ISM1: variants seen among roughly 807,000 people sequenced by gnomAD.
ISM1 encodes the protein isthmin 1.
A neutral mutation model predicts 46.3 loss-of-function variants in ISM1; 25 were observed. The observed-to-expected ratio is 0.54, with a 90% CI of 0.39 to 0.75. The LOEUF is 0.75. Ranked by LOEUF, ISM1 falls within the 30% of genes least tolerant of loss-of-function variation. ISM1 has a pLI of 0.00. For missense variants in ISM1, 536 were observed against 625.4 expected (o/e 0.86, Z 1.52); for synonymous variants, 255 against 256.7 (o/e 0.99, Z 0.06).
At chr20:13,252,493 G>A (rs1239492936) in intron 1 of ISM1, among the ~76,000 whole-genome samples, 1 of 152,178 alleles carries the variant, frequency 6.6e-6, no homozygotes, top group Non-Finnish European at 1.5e-5. Context: ...GCTCACACCT[G>A]TAATCCCAGC....
At chr20:13,256,613 G>T (rs1432622372) in intron 1 of ISM1, among the ~76,000 whole-genome samples, 2 of 152,118 alleles carry the variant, frequency 1.3e-5, no homozygotes, top group Non-Finnish European at 2.9e-5. Context: ...CCATCCTCAA[G>T]GTGGACCTTT....
Position 13,299,275 on chromosome 20 carries a change from AC to A in ISM1, c.1213del (p.Leu405SerfsTer91). On this transcript the variant is annotated frameshift_variant, in exon 6 of 6. Coordinates refer to ENST00000262487, the MANE Select transcript of ISM1 (RefSeq NM_080826.2). LOFTEE classifies it high-confidence loss of function. This position sits in a 1 kb window ranked among gnomAD's most constrained non-coding sequence, Gnocchi z 5.8. The part of the protein sequence containing the change: ...ITRGKGAGTP[N>X]LISTEFSAEL... ...AGGGGCAAGGGGGCGGGCACGCCCA[AC>A]CTCATCAGCACCGAGTTCTCCGCGG... 5.6e-6 allele frequency: 9 copies of A among 1,611,414 alleles called. No homozygotes were observed. The highest frequency in any genetic ancestry group is 7.6e-6 in the Non-Finnish European group (9 of 1,178,684).
intron 4 of ISM1, among the ~76,000 whole-genome samples, chr20:13,290,955 A>G (rs2040347202): frequency 6.6e-6 from 1 of 152,194 alleles, no homozygotes; most frequent in African/African-American, 2.4e-5. Context: ...TCATATTCTT[A>G]ATCATTAAAC....
chr20:13,308,009 T>G, the ISM1 span, among the ~76,000 whole-genome samples: 1 of 152,248 alleles, frequency 6.6e-6, no homozygotes, highest in African/African-American at 2.4e-5. Context: ...CCAAAGTGGT[T>G]GTCCTGGTGG....
At chr20:13,247,962 C>G (rs2039820600) in intron 1 of ISM1, among the ~76,000 whole-genome samples, 1 of 152,158 alleles carries the variant, frequency 6.6e-6, no homozygotes, top group South Asian at 2.1e-4. Flanking sequence ...GGGTCTGATA[C>G]AGAGGAAAGT....
At chr20:13,268,341 CTTCTTCCTCTCTCTCTCTCT>C (rs2040070749) in intron 1 of ISM1, among the ~76,000 whole-genome samples, 1 of 136,186 alleles carries the variant, frequency 7.3e-6, no homozygotes, top group African/African-American at 2.8e-5. Context: ...CCTTCTCCTT[CTTCTTCCTCTCTCTCTCTCT>C]CTCTCTCTCT....
the ISM1 span, among the ~76,000 whole-genome samples, chr20:13,305,990 G>A: frequency 6.6e-6 from 1 of 152,152 alleles, no homozygotes; most frequent in East Asian, 1.9e-4. Flanking sequence ...TAGCAAAGCT[G>A]GGTAAGAATT....
At chr20:13,321,052 A>G in the ISM1 span, among the ~76,000 whole-genome samples, 1 of 151,832 alleles carries the variant, frequency 6.6e-6, no homozygotes, top group South Asian at 2.1e-4. Flanking sequence ...CACAAAAATT[A>G]GCCAGGCATG....
chr20:13,240,320 C>G (rs2039704943), intron 1 of ISM1, among the ~76,000 whole-genome samples: 1 of 152,096 alleles, frequency 6.6e-6, no homozygotes, highest in Non-Finnish European at 1.5e-5. Flanking sequence ...AAACAGGGAG[C>G]AAAAGATAGG....
At chr20:13,273,971 T>C (rs73078235) in intron 2 of ISM1, among the ~76,000 whole-genome samples, 1 of 151,996 alleles carries the variant, frequency 6.6e-6, no homozygotes, top group African/African-American at 2.4e-5. Flanking sequence ...GACCACAAAA[T>C]GTTAGTATTG....
Position 13,299,603 on chromosome 20 carries a change from C to G in ISM1, c.*144C>G. The G allele has an allele frequency of 1.2e-6, 1 of 823,182 alleles. No homozygotes were observed. The allele number at this position is 823,182 out of a possible 1,614,324, so 51.0% of individuals were successfully genotyped here. A position where few individuals can be genotyped will look rare whatever the true frequency, so the allele number is the denominator to read the frequency against. On this transcript the variant is annotated 3_prime_UTR_variant, in exon 6 of 6. Transcript: ENST00000262487. This position sits in a 1 kb window ranked among gnomAD's most constrained non-coding sequence, Gnocchi z 5.8. ...ACATGAGTATTTCTCATACATTACGCTAGGGGCGTGTGCCACGCCCAGGGG... is the reference window on the plus strand; with the variant it reads ...ACATGAGTATTTCTCATACATTACGGTAGGGGCGTGTGCCACGCCCAGGGG...
intron 2 of ISM1, among the ~76,000 whole-genome samples, chr20:13,275,854 C>A (rs1235389404): frequency 1.3e-5 from 2 of 152,222 alleles, no homozygotes; most frequent in African/African-American, 4.8e-5. Flanking sequence ...AACACTACAT[C>A]TTCCTTGCTG....
At chr20:13,241,593 A>G (rs939658277) in intron 1 of ISM1, among the ~76,000 whole-genome samples, 12 of 152,146 alleles carry the variant, frequency 7.9e-5, no homozygotes, top group African/African-American at 2.9e-4. Context: ...TGGTAATAAA[A>G]GAGTTACCAT....
the ISM1 span, among the ~76,000 whole-genome samples, chr20:13,311,216 T>TGATAGATAGATAGATAGATAGATA: frequency 6.1e-3 from 810 of 133,198 alleles, 8 homozygotes; most frequent in African/African-American, 8.5e-3. Context: ...TATAGATAGA[T>TGATAGATAGATAGATAGATAGATA]GATAGATAGA....
chr20:13,294,992 G>A (rs140539205), intron 5 of ISM1, among the ~76,000 whole-genome samples: 2 of 152,202 alleles, frequency 1.3e-5, no homozygotes, highest in Non-Finnish European at 2.9e-5. Flanking sequence ...GAGTTCATAA[G>A]ACATGCCCAA....
chr20:13,236,386 G>C (rs2039649856), intron 1 of ISM1, among the ~76,000 whole-genome samples: 1 of 152,112 alleles, frequency 6.6e-6, no homozygotes. Flanking sequence ...GCCTCCACCT[G>C]GGTCCTTCCC....
rs192631332 is a variant in ISM1, at chr20:13,259,151, T to C, written c.139-11353T>C. ...TACAAAAATTAGCCAGGCATGGTGG[T>C]ATGCGCCTGTAGTCCCAGTCTTGGG... On this transcript the variant is annotated intron_variant, in intron 1 of 5. Transcript: ENST00000262487. Among the ~76,000 whole-genome samples the C allele has an allele frequency of 7.8e-4, 119 of 152,084 alleles. 2 individuals carry two copies. In the East Asian group the frequency reaches 0.021, roughly 26 times the overall value.
At chr20:13,247,816 C>T (rs554400943) in intron 1 of ISM1, among the ~76,000 whole-genome samples, 2 of 152,208 alleles carry the variant, frequency 1.3e-5, no homozygotes, top group South Asian at 2.1e-4. Flanking sequence ...GAAAGAATTA[C>T]GGTTTTCAAA....
At chr20:13,292,982 G>C in intron 5 of ISM1, among the ~76,000 whole-genome samples, 1 of 151,846 alleles carries the variant, frequency 6.6e-6, no homozygotes. Flanking sequence ...AGATCACGAG[G>C]TCAGGAGATC....
Sources: gnomAD v4.1 joint callset for allele counts (sites outside exome capture counted in the v4.1 genomes callset) on GRCh38, gnomAD v4.1.1 for gene constraint, Gnocchi (gnomAD v3.1) non-coding constraint, MANE v1.5 for transcripts, NCBI Gene and HGNC (gene_info 2026-07-23, HGNC 2026-07-21) for gene names.